The following RORB variants were observed in gnomAD, a reference collection of about 807,000 sequenced individuals.
RORB encodes the protein nuclear receptor ROR-beta.
A neutral mutation model predicts 59.1 loss-of-function variants in RORB; 6 were observed. The observed-to-expected ratio is 0.10, with a 90% CI of 0.06 to 0.20. The LOEUF (loss-of-function observed/expected upper bound fraction) is 0.20, where lower values mean the gene tolerates loss of function less well. Ranked by LOEUF, RORB falls within the 10% of genes least tolerant of loss-of-function variation. The pLI, the probability that RORB is intolerant of heterozygous loss-of-function variation, is 1.00. For missense variants in RORB, 320 were observed against 560.5 expected (o/e 0.57, Z 4.33); for synonymous variants, 215 against 204.5 (o/e 1.05, Z -0.44).
intron 2 of RORB, among the ~76,000 whole-genome samples, chr9:74,630,991 G>A (rs1172329598): frequency 6.6e-6 from 1 of 152,098 alleles, no homozygotes; most frequent in African/African-American, 2.4e-5. Context: ...CAACATCATT[G>A]ATTCAGACAG....
At chr9:74,507,580 GC>G (rs1825886951) in intron 1 of RORB, among the ~76,000 whole-genome samples, 1 of 152,008 alleles carries the variant, frequency 6.6e-6, no homozygotes, top group African/African-American at 2.4e-5. Context: ...AAAAATGTTA[GC>G]ATATAGCTTG....
chr9:74,645,165 C>G (rs1418739787), intron 4 of RORB, among the ~76,000 whole-genome samples: 1 of 152,102 alleles, frequency 6.6e-6, no homozygotes, highest in African/African-American at 2.4e-5. Context: ...TAGGAGACCC[C>G]TAAGCCTAAA....
intron 1 of RORB, among the ~76,000 whole-genome samples, chr9:74,520,311 T>G (rs1826067581): frequency 6.6e-6 from 1 of 151,936 alleles, no homozygotes; most frequent in Non-Finnish European, 1.5e-5. Context: ...GAGCCCATAT[T>G]ATATTTATGG....
chr9:74,634,575 TTC>T, intron 2 of RORB, 54 bp from the exon 3 acceptor site: 2 of 1,477,162 alleles, frequency 1.4e-6, no homozygotes, highest in Non-Finnish European at 1.8e-6. Context: ...TACATTAATG[TTC>T]TCTGTTTCCC....
chr9:74,539,672 G>C (rs1439865265), intron 1 of RORB, among the ~76,000 whole-genome samples: 2 of 152,040 alleles, frequency 1.3e-5, no homozygotes, highest in Non-Finnish European at 2.9e-5. Flanking sequence ...GGCATTTATA[G>C]ATAAATGCTA....
chr9:74,527,578 G>C (rs563644662), intron 1 of RORB, among the ~76,000 whole-genome samples: 40 of 152,002 alleles, frequency 2.6e-4, no homozygotes, highest in Non-Finnish European at 2.2e-4. Context: ...AACAACATCT[G>C]TTATTACCAA....
At chr9:74,662,309 A>C (rs945353239) in intron 5 of RORB, among the ~76,000 whole-genome samples, 165 bp from the exon 6 acceptor site, 2 of 152,174 alleles carry the variant, frequency 1.3e-5, no homozygotes, top group Non-Finnish European at 2.9e-5. Context: ...ATATTAACTT[A>C]GGGAAAAAAA....
chr9:74,498,375 C>G (rs1039775956), intron 1 of RORB: 2 of 177,516 alleles, frequency 1.1e-5, no homozygotes. Flanking sequence ...CAGTGGTCGC[C>G]GGCCGGGTTT....
intron 4 of RORB, among the ~76,000 whole-genome samples, chr9:74,658,760 T>C (rs1318512960): frequency 6.6e-6 from 1 of 152,198 alleles, no homozygotes; most frequent in Non-Finnish European, 1.5e-5. Flanking sequence ...AGCCATGACA[T>C]ACCAATCTAT....
chr9:74,508,777 C>T (rs527398642), intron 1 of RORB, among the ~76,000 whole-genome samples: 1 of 152,124 alleles, frequency 6.6e-6, no homozygotes, highest in South Asian at 2.1e-4. Context: ...GATTATGTCT[C>T]ATTTTCTTAA....
intron 1 of RORB, among the ~76,000 whole-genome samples, chr9:74,538,602 T>A (rs1826357489): frequency 6.6e-6 from 1 of 151,972 alleles, no homozygotes; most frequent in South Asian, 2.1e-4. Flanking sequence ...TATTAATTAA[T>A]CAATGCACAA....
At chr9:74,633,396 C>T (rs1296576227) in intron 2 of RORB, among the ~76,000 whole-genome samples, 2 of 152,118 alleles carry the variant, frequency 1.3e-5, no homozygotes, top group Admixed American at 1.3e-4. Context: ...GCAAGATAGG[C>T]ATTGAATCTA....
intron 8 of RORB, 33 bp from the exon 9 acceptor site, chr9:74,671,756 T>C: frequency 7.4e-7 from 1 of 1,351,534 alleles, no homozygotes; most frequent in South Asian, 1.2e-5. Flanking sequence ...AAAGTTGATG[T>C]TCCCTCCACT....
intron 1 of RORB, among the ~76,000 whole-genome samples, chr9:74,628,497 A>G (rs1240218488): frequency 6.6e-6 from 1 of 152,206 alleles, no homozygotes; most frequent in African/African-American, 2.4e-5. Context: ...ATTTTTTCAC[A>G]TGAAAAATAG....
At chr9:74,536,537 A>G (rs939401689) in intron 1 of RORB, among the ~76,000 whole-genome samples, 1 of 152,030 alleles carries the variant, frequency 6.6e-6, no homozygotes, top group South Asian at 2.1e-4. Context: ...TTGGTAAATT[A>G]ATTATAAACA....
At chr9:74,571,479 C>G (rs1822550941) in intron 1 of RORB, among the ~76,000 whole-genome samples, 1 of 150,762 alleles carries the variant, frequency 6.6e-6, no homozygotes. Flanking sequence ...GTAGAATTCT[C>G]TATTCACTGT....
At chr9:74,672,406 C>T (rs1372381782) in intron 9 of RORB, among the ~76,000 whole-genome samples, 1 of 152,164 alleles carries the variant, frequency 6.6e-6, no homozygotes, top group Non-Finnish European at 1.5e-5. Context: ...CTAGTCACTT[C>T]TCAGGTATGT....
chr9:74,610,157 T>C (rs1045986419), intron 1 of RORB, among the ~76,000 whole-genome samples: 1 of 152,228 alleles, frequency 6.6e-6, no homozygotes, highest in African/African-American at 2.4e-5. Flanking sequence ...TTATAATACA[T>C]TGCAACAGCA....
chr9:74,528,584 C>CT, intron 1 of RORB, among the ~76,000 whole-genome samples: 1 of 151,990 alleles, frequency 6.6e-6, no homozygotes, highest in Non-Finnish European at 1.5e-5. Context: ...TTTTTACACT[C>CT]TAACTGTGAG....
Sources: allele counts gnomAD v4.1 joint callset (sites outside exome capture counted in the v4.1 genomes callset), GRCh38; gene constraint gnomAD v4.1.1; transcripts MANE v1.5; gene names NCBI Gene and HGNC (gene_info 2026-07-23, HGNC 2026-07-21).